Variants in CWC27 observed in about 807,000 individuals in gnomAD.
CWC27 encodes the protein spliceosome-associated protein CWC27 homolog.
CWC27 carries 47 observed loss-of-function variants against 63.6 expected under a neutral mutation model. The ratio of observed to expected loss-of-function variants is 0.74; its 90% CI spans 0.58 to 0.94. CWC27 has a LOEUF of 0.94. CWC27 is among the 40% of genes least tolerant of loss of function. The pLI is 0.00. For synonymous variants in CWC27, 175 were observed against 179.8 expected (o/e 0.97, Z 0.22); for missense variants, 495 against 554.3 (o/e 0.89, Z 1.07).
At chr5:64,848,797 A>G (rs1294977647) in intron 10 of CWC27, among the ~76,000 whole-genome samples, 5 of 152,186 alleles carry the variant, frequency 3.3e-5, no homozygotes, top group Non-Finnish European at 7.4e-5. Flanking sequence ...TTCTTTTATT[A>G]TAAAAAGTCA....
chr5:64,828,483 G>A (rs1382563248), intron 10 of CWC27, among the ~76,000 whole-genome samples: 1 of 151,932 alleles, frequency 6.6e-6, no homozygotes, highest in African/African-American at 2.4e-5. Context: ...TCAGGCACTG[G>A]CAGATTTAAT....
At chr5:64,950,842 A>G (rs1266538596) in intron 11 of CWC27, among the ~76,000 whole-genome samples, 2 of 151,888 alleles carry the variant, frequency 1.3e-5, no homozygotes, top group African/African-American at 4.8e-5. Context: ...TTCTCACACT[A>G]TAGTTTTCCT....
intron 10 of CWC27, among the ~76,000 whole-genome samples, chr5:64,816,063 T>C (rs974344219): frequency 1.3e-5 from 2 of 152,218 alleles, no homozygotes; most frequent in Non-Finnish European, 2.9e-5. Context: ...TTTTCTCTTA[T>C]ACTTTTCTTT....
intron 10 of CWC27, among the ~76,000 whole-genome samples, chr5:64,824,631 T>G (rs1745305990): frequency 6.6e-6 from 1 of 151,134 alleles, no homozygotes; most frequent in African/African-American, 2.4e-5. Flanking sequence ...GTCCTAAGGG[T>G]ACCTTCTTCT....
intron 13 of CWC27, among the ~76,000 whole-genome samples, chr5:64,998,248 AG>A (rs1288426272): frequency 6.6e-6 from 1 of 152,080 alleles, no homozygotes; most frequent in Non-Finnish European, 1.5e-5. Flanking sequence ...GCTGCTTACC[AG>A]GCCTTTTTGA....
At chr5:64,806,864 T>G (rs1744694560) in intron 10 of CWC27, among the ~76,000 whole-genome samples, 1 of 152,106 alleles carries the variant, frequency 6.6e-6, no homozygotes, top group African/African-American at 2.4e-5. Flanking sequence ...AATTTCCAAA[T>G]CATTAGTACT....
chr5:64,814,966 G>A (rs1479815994), intron 10 of CWC27, among the ~76,000 whole-genome samples: 3 of 151,848 alleles, frequency 2.0e-5, no homozygotes, highest in Non-Finnish European at 4.4e-5. Flanking sequence ...GAGACCTGAA[G>A]GTATATTTCA....
At position 64,916,427 on chromosome 5, in the gene CWC27, G is replaced by A. The variant is rs145284010; in HGVS notation, c.1042+30881G>A. 6.6e-4 allele frequency among the ~76,000 whole-genome samples: 100 copies of A among 152,052 alleles called. 1 individual carries two copies. The highest frequency in any genetic ancestry group is 1.9e-3 in the African/African-American group (79 of 41,474). ...CAATGTATCTAGGTATTCATGTTTC[G>A]TGGCCATAATGAAGTACAATTTAAG... On this transcript the variant is annotated intron_variant, in intron 11 of 13. Transcript: ENST00000381070.
intron 11 of CWC27, among the ~76,000 whole-genome samples, chr5:64,941,297 C>T (rs889880842): frequency 3.3e-5 from 5 of 152,126 alleles, no homozygotes; most frequent in Non-Finnish European, 7.4e-5. Context: ...CTTCTAGGCT[C>T]TCTCAGTAAA....
At chr5:64,848,719 A>G (rs2112293340) in intron 10 of CWC27, among the ~76,000 whole-genome samples, 1 of 152,348 alleles carries the variant, frequency 6.6e-6, no homozygotes, top group African/African-American at 2.4e-5. Context: ...TCACATTAAC[A>G]AAATGAAGTA....
chr5:64,926,746 AC>A (rs1748115597), intron 11 of CWC27, among the ~76,000 whole-genome samples: 1 of 152,178 alleles, frequency 6.6e-6, no homozygotes, highest in South Asian at 2.1e-4. Flanking sequence ...AAAAAAAAAT[AC>A]TACTTTCTTC....
At chr5:64,891,249 A>G (rs1747229160) in intron 11 of CWC27, among the ~76,000 whole-genome samples, 1 of 152,192 alleles carries the variant, frequency 6.6e-6, no homozygotes, top group Non-Finnish European at 1.5e-5. Context: ...AATCAATTAA[A>G]GATAAAGTTC....
chr5:64,826,703 GTT>G (rs796870037), intron 10 of CWC27, among the ~76,000 whole-genome samples: 2 of 141,930 alleles, frequency 1.4e-5, no homozygotes, highest in African/African-American at 2.5e-5. Flanking sequence ...GTGTTTTTTT[GTT>G]TTTTTTTTTT....
At position 64,881,338 on chromosome 5, in the gene CWC27, G is replaced by A. The variant is rs1157525762; in HGVS notation, c.939-4105G>A. Reference sequence around the variant, plus strand: ...TATGATATGACTACATTAATATAGTGTGTCTAAATCTTTGACTATTTAAGG... The same window carrying A: ...TATGATATGACTACATTAATATAGTATGTCTAAATCTTTGACTATTTAAGG... On this transcript the variant is annotated intron_variant, in intron 10 of 13. Coordinates refer to ENST00000381070, the MANE Select transcript of CWC27 (RefSeq NM_005869.4). Among the ~76,000 whole-genome samples, 3 of 152,188 alleles carry A rather than the reference G, an allele frequency of 2.0e-5. No homozygotes were observed. In the East Asian group the frequency reaches 5.8e-4, roughly 29 times the overall value.
intron 11 of CWC27, among the ~76,000 whole-genome samples, chr5:64,919,101 A>T (rs1004292824): frequency 6.6e-6 from 1 of 152,234 alleles, no homozygotes; most frequent in South Asian, 2.1e-4. Flanking sequence ...TTTTTGCTGT[A>T]CAATTTAAAA....
At chr5:64,789,640 C>T (rs1451095374) in intron 7 of CWC27, among the ~76,000 whole-genome samples, 1 of 152,106 alleles carries the variant, frequency 6.6e-6, no homozygotes, top group East Asian at 1.9e-4. Flanking sequence ...TAGGCCTTTA[C>T]ATGTGGTTTT....
At chr5:64,941,333 A>G (rs1748474898) in intron 11 of CWC27, among the ~76,000 whole-genome samples, 1 of 152,176 alleles carries the variant, frequency 6.6e-6, no homozygotes, top group Non-Finnish European at 1.5e-5. Flanking sequence ...CTGGTAGTCT[A>G]AGTACAGTAC....
intron 13 of CWC27, among the ~76,000 whole-genome samples, chr5:64,982,670 C>T (rs1248684606): frequency 1.3e-5 from 2 of 152,074 alleles, no homozygotes; most frequent in Non-Finnish European, 2.9e-5. Context: ...ACAAATACAG[C>T]TCTAAGGGTG....
intron 12 of CWC27, among the ~76,000 whole-genome samples, chr5:64,975,581 G>A (rs1264099217): frequency 6.6e-6 from 1 of 151,820 alleles, no homozygotes; most frequent in African/African-American, 2.4e-5. Context: ...CTAGGAGATG[G>A]TGTGATTACA....
Sources: allele counts gnomAD v4.1 joint callset (sites outside exome capture counted in the v4.1 genomes callset), GRCh38; gene constraint gnomAD v4.1.1; transcripts MANE v1.5; gene names NCBI Gene and HGNC (gene_info 2026-07-23, HGNC 2026-07-21).